Variants in PLCL1 observed in about 807,000 individuals in gnomAD.
PLCL1 encodes phospholipase C like 1 (inactive), also known as inactive phospholipase C-like protein 1.
A neutral mutation model predicts 84.4 loss-of-function variants in PLCL1; 41 were observed. The observed-to-expected ratio is 0.49, with a 90% CI of 0.38 to 0.63. PLCL1 has a LOEUF of 0.63. PLCL1 is among the 30% of genes least tolerant of loss of function. PLCL1 has a pLI of 0.00. For synonymous variants in PLCL1, 490 were observed against 488.3 expected, an observed-to-expected ratio of 1.00 and a Z score of -0.05; for missense variants, 1,206 against 1,367.8, an observed-to-expected ratio of 0.88 and a Z score of 1.87.
chr2:197,897,583 CAAAA>C (rs1688178612), intron 1 of PLCL1, among the ~76,000 whole-genome samples: 1 of 151,916 alleles, frequency 6.6e-6, no homozygotes, highest in Non-Finnish European at 1.5e-5. Context: ...AAAAAACAAA[CAAAA>C]ATTATTGTTT....
At chr2:198,093,950 C>T (rs541960218) in intron 3 of PLCL1, among the ~76,000 whole-genome samples, 2 of 152,108 alleles carry the variant, frequency 1.3e-5, no homozygotes, top group East Asian at 3.9e-4. Context: ...ATATTTATTA[C>T]CCACTATAAA....
intron 1 of PLCL1, among the ~76,000 whole-genome samples, chr2:198,020,564 A>G (rs1368078490): frequency 6.6e-6 from 1 of 151,602 alleles, no homozygotes; most frequent in African/African-American, 2.4e-5. Flanking sequence ...AATGGAAAGA[A>G]AAAAAAAAGA....
intron 1 of PLCL1, among the ~76,000 whole-genome samples, chr2:197,872,301 A>T (rs1320674142): frequency 6.6e-6 from 1 of 152,082 alleles, no homozygotes; most frequent in African/African-American, 2.4e-5. Flanking sequence ...CACAATACCA[A>T]TCACCTATCC....
intron 1 of PLCL1, among the ~76,000 whole-genome samples, chr2:197,964,376 C>T (rs1689686345): frequency 6.6e-6 from 1 of 151,930 alleles, no homozygotes; most frequent in Admixed American, 6.6e-5. Flanking sequence ...AATGGGATTG[C>T]TTCATTGATT....
At chr2:197,994,671 C>T (rs553468732) in intron 1 of PLCL1, among the ~76,000 whole-genome samples, 1 of 152,202 alleles carries the variant, frequency 6.6e-6, no homozygotes, top group South Asian at 2.1e-4. Context: ...GTAAGGTGTG[C>T]CTAAATTAAA....
In PLCL1 at chr2:198,054,283, A is replaced by T. The variant is rs527987262; in HGVS notation, c.241-29475A>T. Among the ~76,000 whole-genome samples, 26 of 152,356 alleles carry T rather than the reference A, an allele frequency of 1.7e-4. No individual in the cohort carries two copies. In the East Asian group the frequency reaches 4.6e-3, roughly 27 times the overall value. ...TTTTGTTTAGATGATCTGAACAGAA[A>T]ATCAATAAGTGTTGGACTTAAATTA... On this transcript the variant is annotated intron_variant, in intron 1 of 5. Coordinates refer to ENST00000428675, the MANE Select transcript of PLCL1 (RefSeq NM_006226.4).
At chr2:197,903,127 C>A (rs966068) in intron 1 of PLCL1, among the ~76,000 whole-genome samples, 151,511 of 152,228 alleles carry the variant, frequency 1, 75,400 homozygotes, top group Middle Eastern at 1. Context: ...GTTAGTTAGG[C>A]GAAACCACGA....
Position 198,083,775 on chromosome 2 carries a change from A to G in PLCL1, c.258A>G (p.Lys86=), listed in dbSNP as rs1692780158. 1 of 1,581,430 alleles carries G rather than the reference A, an allele frequency of 6.3e-7. No individual in the cohort carries two copies. The highest frequency in any genetic ancestry group is 8.6e-7 in the Non-Finnish European group (1 of 1,166,248). ...SSIIKDPSNQ[K]CGGRKKTVSF... is the part of the protein sequence containing the mutation. ...TTTTACAGGATCCTTCAAACCAAAAATGTGGTGGAAGAAAGAAAACCGTGT... is the reference window on the plus strand; with the variant it reads ...TTTTACAGGATCCTTCAAACCAAAAGTGTGGTGGAAGAAAGAAAACCGTGT... The change falls in exon 2 of 6, where the codon AAA becomes AAG. Residue 86 remains lysine, a synonymous_variant. Transcript: ENST00000428675.
intron 1 of PLCL1, among the ~76,000 whole-genome samples, chr2:197,930,303 T>G (rs1688907651): frequency 6.6e-6 from 1 of 152,162 alleles, no homozygotes; most frequent in Non-Finnish European, 1.5e-5. Context: ...AAACATACAA[T>G]TTTGGTAATA....
intron 1 of PLCL1, among the ~76,000 whole-genome samples, chr2:198,028,179 A>T (rs1405132082): frequency 6.6e-6 from 1 of 152,186 alleles, no homozygotes; most frequent in Non-Finnish European, 1.5e-5. Flanking sequence ...TCTGTAAATC[A>T]AAGACTTTCT....
chr2:198,064,217 A>G (rs1046010171), intron 1 of PLCL1, among the ~76,000 whole-genome samples: 6 of 152,124 alleles, frequency 3.9e-5, no homozygotes, highest in Admixed American at 6.6e-5. Context: ...AAACTAAAAC[A>G]TAAGTCCCTA....
At chr2:197,953,771 A>G (rs1689433328) in intron 1 of PLCL1, among the ~76,000 whole-genome samples, 1 of 152,084 alleles carries the variant, frequency 6.6e-6, no homozygotes, top group African/African-American at 2.4e-5. Flanking sequence ...TATATCTCAG[A>G]CATCTAAGGA....
intron 1 of PLCL1, among the ~76,000 whole-genome samples, chr2:198,032,335 A>T (rs1441015006): frequency 1.4e-5 from 2 of 143,792 alleles, no homozygotes; most frequent in East Asian, 1.9e-4. Flanking sequence ...TGAGAATAAT[A>T]AAAAAAAAAC....
intron 1 of PLCL1, among the ~76,000 whole-genome samples, chr2:198,009,524 A>AT (rs894621067): frequency 3.3e-5 from 5 of 151,864 alleles, no homozygotes; most frequent in Admixed American, 2.0e-4. Flanking sequence ...TGGGCTCTCT[A>AT]TTTTACTCCG....
At chr2:198,012,361 C>T (rs982016127) in intron 1 of PLCL1, among the ~76,000 whole-genome samples, 1 of 152,062 alleles carries the variant, frequency 6.6e-6, no homozygotes, top group Non-Finnish European at 1.5e-5. Flanking sequence ...CCTAATATAT[C>T]CTACAGTTAT....
intron 1 of PLCL1, among the ~76,000 whole-genome samples, chr2:198,079,135 G>A (rs2105892090): frequency 6.6e-6 from 1 of 151,712 alleles, no homozygotes; most frequent in African/African-American, 2.4e-5. Context: ...TTTTAATTTT[G>A]ATTAAGGAGC....
chr2:198,081,152 A>G (rs922736526), intron 1 of PLCL1, among the ~76,000 whole-genome samples: 3 of 152,222 alleles, frequency 2.0e-5, no homozygotes, highest in African/African-American at 7.2e-5. Flanking sequence ...CATTTAGAGT[A>G]GCATTAATTT....
Position 198,111,118 on chromosome 2 carries a change from A to G in PLCL1, c.3105+7182A>G, listed in dbSNP as rs914054180. 5.9e-5 allele frequency among the ~76,000 whole-genome samples: 9 copies of G among 151,912 alleles called. No homozygotes were observed. The South Asian group carries it at 1.5e-3, about 25-fold the overall frequency. ...TTTTGTTTTGTCTCTATGCTCTTGT[A>G]TCAGTTGGGGTATGCTGGGTTGTGC... On this transcript the variant is annotated intron_variant, in intron 5 of 5. Transcript: ENST00000428675.
chr2:198,048,682 G>C lies in PLCL1; in HGVS notation c.241-35076G>C, dbSNP rs139610401. On this transcript the variant is annotated intron_variant, in intron 1 of 5. Transcript: ENST00000428675. ...TCATGTGAACTCATTACCATGGGGAGGACACCAGGCCATTCATGAGGGATC... is the reference window on the plus strand; with the variant it reads ...TCATGTGAACTCATTACCATGGGGACGACACCAGGCCATTCATGAGGGATC... Among the ~76,000 whole-genome samples, 371 of 152,312 alleles carry C rather than the reference G, an allele frequency of 2.4e-3. 1 individual carries two copies. Among genetic ancestry groups the C allele is most frequent in the African/African-American group, 8.7e-3 (361 of 41,568 alleles).
Sources: gnomAD v4.1 joint callset for allele counts (sites outside exome capture counted in the v4.1 genomes callset) on GRCh38, gnomAD v4.1.1 for gene constraint, MANE v1.5 for transcripts, NCBI Gene and HGNC (gene_info 2026-07-23, HGNC 2026-07-21) for gene names.